The following SKAP1 variants were observed in gnomAD, a reference collection of about 807,000 sequenced individuals.
SKAP1 encodes the protein src kinase-associated phosphoprotein 1.
SKAP1 carries 44 observed loss-of-function variants against 58.5 expected under a neutral mutation model. The ratio of observed to expected loss-of-function variants is 0.75; its 90% CI spans 0.59 to 0.97. The LOEUF (loss-of-function observed/expected upper bound fraction) is 0.97, where lower values mean the gene tolerates loss of function less well. Ranked by LOEUF, SKAP1 falls within the 50% of genes least tolerant of loss-of-function variation. The pLI is 0.00. For synonymous variants in SKAP1, 127 were observed against 149.7 expected, an observed-to-expected ratio of 0.85 and a Z score of 1.11; for missense variants, 390 against 435.2, an observed-to-expected ratio of 0.90 and a Z score of 0.92.
chr17:48,251,793 C>T (rs1479665853), intron 4 of SKAP1, among the ~76,000 whole-genome samples: 1 of 152,132 alleles, frequency 6.6e-6, no homozygotes, highest in Non-Finnish European at 1.5e-5. Context: ...AAACACACAA[C>T]AAAAATAATT....
intron 4 of SKAP1, among the ~76,000 whole-genome samples, chr17:48,333,820 A>C (rs2066534462): frequency 6.6e-6 from 1 of 152,066 alleles, no homozygotes; most frequent in African/African-American, 2.4e-5. Context: ...AAACATTTAA[A>C]ATACTAATAC....
intron 4 of SKAP1, among the ~76,000 whole-genome samples, chr17:48,208,519 TG>T (rs1178475204): frequency 6.6e-6 from 1 of 152,220 alleles, no homozygotes; most frequent in African/African-American, 2.4e-5. Context: ...CTGGGAGAGC[TG>T]TTCACATGAA....
At chr17:48,191,660 T>C (rs1316396196) in intron 4 of SKAP1, among the ~76,000 whole-genome samples, 1 of 152,214 alleles carries the variant, frequency 6.6e-6, no homozygotes, top group African/African-American at 2.4e-5. Flanking sequence ...TGTTTCAAGC[T>C]TAGTTATAAA....
chr17:48,304,284 G>A (rs2066105441), intron 4 of SKAP1, among the ~76,000 whole-genome samples: 2 of 152,178 alleles, frequency 1.3e-5, no homozygotes, highest in South Asian at 2.1e-4. Context: ...TCTCTAACCT[G>A]TCTAATTCCT....
At chr17:48,442,573 C>CCA in the SKAP1 span, among the ~76,000 whole-genome samples, 1 of 152,120 alleles carries the variant, frequency 6.6e-6, no homozygotes, top group Non-Finnish European at 1.5e-5. Context: ...CCCTTCTTGG[C>CCA]CAAGTCACCT....
chr17:48,437,621 A>G, the SKAP1 span, among the ~76,000 whole-genome samples: 1 of 151,552 alleles, frequency 6.6e-6, no homozygotes, highest in Non-Finnish European at 1.5e-5. Context: ...ACACGCTTTT[A>G]GTCCCAGCTA....
At chr17:48,400,381 G>A (rs995307761) in intron 1 of SKAP1, among the ~76,000 whole-genome samples, 1 of 152,190 alleles carries the variant, frequency 6.6e-6, no homozygotes, top group African/African-American at 2.4e-5. Flanking sequence ...TTACAGGTGT[G>A]AGCCACCACG....
intron 3 of SKAP1, among the ~76,000 whole-genome samples, chr17:48,362,243 C>T (rs1422156142): frequency 6.6e-6 from 1 of 152,232 alleles, no homozygotes; most frequent in Non-Finnish European, 1.5e-5. Flanking sequence ...GCCAGCATTT[C>T]AAGAATCTGG....
At chr17:48,183,446 T>C (rs942413946) in intron 7 of SKAP1, among the ~76,000 whole-genome samples, 1 of 152,326 alleles carries the variant, frequency 6.6e-6, no homozygotes, top group East Asian at 1.9e-4. Context: ...TTATTTTAAA[T>C]GAATCAACTT....
chr17:48,265,509 CAA>C (rs2065536606), intron 4 of SKAP1, among the ~76,000 whole-genome samples: 2 of 64,590 alleles, frequency 3.1e-5, no homozygotes, highest in South Asian at 1.1e-3. Flanking sequence ...AAAAAGCAAG[CAA>C]GCAAGCAAGC....
chr17:48,434,178 T>C (rs951637404), upstream of SKAP1, among the ~76,000 whole-genome samples: 4 of 152,198 alleles, frequency 2.6e-5, no homozygotes, highest in Admixed American at 2.6e-4. Context: ...CCGGGTTTAT[T>C]GACTCTTTTA....
In SKAP1 at chr17:48,363,702, G is replaced by A. The variant is rs371085706; in HGVS notation, c.178+87C>T. The A allele has an allele frequency of 2.5e-5, 29 of 1,179,522 alleles. No homozygotes were observed. In the East Asian group the frequency reaches 4.3e-4, roughly 17 times the overall value. The allele number at this position is 1,179,522 out of a possible 1,614,324, so 73.1% of individuals were successfully genotyped here. ...TTGGAAATGGTTAATGCCACTCTGT[G>A]GAGAAGCTTGTAGAGAAGAGACAGG... On this transcript the variant is annotated intron_variant, in intron 3 of 12. Transcript: ENST00000336915.
intron 11 of SKAP1, among the ~76,000 whole-genome samples, chr17:48,152,016 A>G (rs1480707404): frequency 6.6e-6 from 1 of 152,190 alleles, no homozygotes; most frequent in Non-Finnish European, 1.5e-5. Context: ...GAGTAAAAGG[A>G]TTTTTGTTCA....
intron 4 of SKAP1, among the ~76,000 whole-genome samples, chr17:48,259,628 G>A (rs534680949): frequency 6.6e-6 from 1 of 152,254 alleles, no homozygotes; most frequent in African/African-American, 2.4e-5. Flanking sequence ...CACTTAGACT[G>A]TTACCTACAT....
At chr17:48,199,369 A>G (rs1043643349) in intron 4 of SKAP1, among the ~76,000 whole-genome samples, 1 of 152,182 alleles carries the variant, frequency 6.6e-6, no homozygotes, top group Non-Finnish European at 1.5e-5. Context: ...CCAGTACTCC[A>G]GCAACAATAA....
chr17:48,231,306 G>C (rs1288122256), intron 4 of SKAP1, among the ~76,000 whole-genome samples: 1 of 151,900 alleles, frequency 6.6e-6, no homozygotes, highest in Non-Finnish European at 1.5e-5. Flanking sequence ...TCACACTAAG[G>C]GTCTCTCAGA....
At chr17:48,228,350 TC>T (rs2065092166) in intron 4 of SKAP1, among the ~76,000 whole-genome samples, 1 of 152,190 alleles carries the variant, frequency 6.6e-6, no homozygotes, top group Admixed American at 6.5e-5. Context: ...TTAATAAACC[TC>T]CCATAGAGAG....
chr17:48,242,693 ATGTGGTTTGAACCATTTGATGG>A (rs1325596351), intron 4 of SKAP1, among the ~76,000 whole-genome samples: 2 of 152,194 alleles, frequency 1.3e-5, no homozygotes, highest in Non-Finnish European at 2.9e-5. Flanking sequence ...ACAAGGGGTT[ATGTGGTTTGAACCATTTGATGG>A]TGTGGTTTGA....
chr17:48,194,165 A>C (rs576247817), intron 4 of SKAP1, among the ~76,000 whole-genome samples: 132 of 152,316 alleles, frequency 8.7e-4, no homozygotes, highest in African/African-American at 3.1e-3. Context: ...TAGCTGAAGG[A>C]TATGGGGCCA....
Sources: gnomAD v4.1 joint callset for allele counts (sites outside exome capture counted in the v4.1 genomes callset) on GRCh38, gnomAD v4.1.1 for gene constraint, MANE v1.5 for transcripts, NCBI Gene and HGNC (gene_info 2026-07-23, HGNC 2026-07-21) for gene names.